Variants in PAK5 observed in about 807,000 individuals in gnomAD.
The protein encoded by PAK5 is p21 (RAC1) activated kinase 5.
A neutral mutation model predicts 65.9 loss-of-function variants in PAK5; 16 were observed. The ratio of observed to expected loss-of-function variants is 0.24; its 90% CI spans 0.16 to 0.37. The LOEUF (loss-of-function observed/expected upper bound fraction) is 0.37, where lower values mean the gene tolerates loss of function less well. Among genes scored for constraint, PAK5 ranks in the 10% least tolerant of loss-of-function variants. The pLI is 1.00. For synonymous variants in PAK5, 371 were observed against 354.9 expected (o/e 1.05, Z -0.51); for missense variants, 785 against 903.9 (o/e 0.87, Z 1.69).
intron 1 of PAK5, among the ~76,000 whole-genome samples, chr20:9,753,326 T>C (rs1005205854): frequency 6.6e-6 from 1 of 152,212 alleles, no homozygotes; most frequent in African/African-American, 2.4e-5. Flanking sequence ...TGCATTTGTT[T>C]TTTTGATTAA....
intron 4 of PAK5, among the ~76,000 whole-genome samples, chr20:9,578,250 A>C (rs923175226): frequency 6.6e-6 from 1 of 152,134 alleles, no homozygotes; most frequent in Non-Finnish European, 1.5e-5. Flanking sequence ...GTGTGCAGGG[A>C]TTGCTGGTGG....
chr20:9,786,943 A>G (rs1381853161), intron 1 of PAK5, among the ~76,000 whole-genome samples: 2 of 152,156 alleles, frequency 1.3e-5, no homozygotes, highest in Admixed American at 6.6e-5. Context: ...TGGATTTTAA[A>G]TAGATTTAAA....
rs978581538 is a variant in PAK5 at position 9,537,955 on chromosome 20, T to C, written c.*1507A>G. ...ATTATGCTTAGAGCAACCAGAGCGC[T>C]ATCACAAATTTAAATTCATATTTGT... On this transcript the variant is annotated 3_prime_UTR_variant, in exon 10 of 10. Transcript: ENST00000353224. 2.2e-4 allele frequency: 51 copies of C among 231,238 alleles called. No individual in the cohort carries two copies. The highest frequency in any genetic ancestry group is 7.7e-5 in the Non-Finnish European group (9 of 116,578). 14.3% of individuals were successfully genotyped at this position (231,238 alleles called of 1,614,324 possible).
intron 1 of PAK5, among the ~76,000 whole-genome samples, chr20:9,755,681 G>T (rs1221167130): frequency 6.6e-6 from 1 of 152,178 alleles, no homozygotes; most frequent in Non-Finnish European, 1.5e-5. Context: ...TCATTTTATA[G>T]TTCAGTTCAG....
intron 1 of PAK5, among the ~76,000 whole-genome samples, chr20:9,721,754 T>G (rs572662666): frequency 2.6e-4 from 39 of 151,538 alleles, no homozygotes; most frequent in Non-Finnish European, 4.4e-5. Flanking sequence ...GTGTGTTTAA[T>G]GTACTTCTAA....
At chr20:9,792,994 T>C (rs1220488395) in intron 1 of PAK5, among the ~76,000 whole-genome samples, 5 of 152,152 alleles carry the variant, frequency 3.3e-5, no homozygotes, top group African/African-American at 1.2e-4. Context: ...AGCAGAATAC[T>C]TTGAAAACTT....
At chr20:9,755,862 GCAACCCATTGCAGAAACCTGT>G (rs1055337355) in intron 1 of PAK5, among the ~76,000 whole-genome samples, 2 of 152,174 alleles carry the variant, frequency 1.3e-5, no homozygotes, top group African/African-American at 4.8e-5. Flanking sequence ...AAGTAAGATG[GCAACCCATTGCAGAAACCTGT>G]CAACCCATTG....
chr20:9,735,561 T>C (rs535085601), intron 1 of PAK5, among the ~76,000 whole-genome samples: 9 of 152,090 alleles, frequency 5.9e-5, no homozygotes, highest in East Asian at 3.9e-4. Flanking sequence ...CTTGCCAAAA[T>C]AGATGGGAAT....
chr20:9,776,011 T>C (rs1223989809), intron 1 of PAK5, among the ~76,000 whole-genome samples: 1 of 152,208 alleles, frequency 6.6e-6, no homozygotes, highest in African/African-American at 2.4e-5. Flanking sequence ...AGTAAAGAAA[T>C]AGTGATTCTT....
chr20:9,554,455 T>C (rs2045477071), intron 7 of PAK5, among the ~76,000 whole-genome samples: 1 of 152,178 alleles, frequency 6.6e-6, no homozygotes, highest in South Asian at 2.1e-4. Flanking sequence ...CTACCTGACA[T>C]GTGAGTGAGG....
chr20:9,598,975 A>G (rs1483500854), intron 3 of PAK5, among the ~76,000 whole-genome samples: 2 of 152,172 alleles, frequency 1.3e-5, no homozygotes, highest in Admixed American at 1.3e-4. Flanking sequence ...CCTTTCTGGA[A>G]CTTTTTTTAA....
At chr20:9,576,857 A>C (rs1208321814) in intron 4 of PAK5, among the ~76,000 whole-genome samples, 1 of 152,204 alleles carries the variant, frequency 6.6e-6, no homozygotes, top group Non-Finnish European at 1.5e-5. Context: ...AGGCTCAACA[A>C]AACATGGCAT....
chr20:9,587,080 T>C (rs2046082363), intron 3 of PAK5, among the ~76,000 whole-genome samples: 1 of 152,176 alleles, frequency 6.6e-6, no homozygotes, highest in Non-Finnish European at 1.5e-5. Context: ...CTTGGCATGA[T>C]TCCTGACGTA....
At chr20:9,734,556 A>ACACACT (rs1319210980) in intron 1 of PAK5, among the ~76,000 whole-genome samples, 3 of 146,828 alleles carry the variant, frequency 2.0e-5, no homozygotes, top group African/African-American at 7.6e-5. Context: ...GCACATGCAC[A>ACACACT]CACACACACA....
chr20:9,557,755 A>G (rs1161508940), intron 6 of PAK5, 21 bp from the exon 7 acceptor site: 2 of 1,604,960 alleles, frequency 1.2e-6, no homozygotes, highest in East Asian at 2.2e-5. Flanking sequence ...AATAACATTT[A>G]AGGAACAAGA....
chr20:9,745,100 G>A (rs2048491318), intron 1 of PAK5, among the ~76,000 whole-genome samples: 2 of 152,010 alleles, frequency 1.3e-5, no homozygotes, highest in Admixed American at 6.6e-5. Context: ...AAAGTAAACA[G>A]AACATATATT....
At chr20:9,670,224 ATAAACATACATGTGCATGTGTCTT>A (rs1333173114) in intron 2 of PAK5, among the ~76,000 whole-genome samples, 1 of 152,196 alleles carries the variant, frequency 6.6e-6, no homozygotes, top group Non-Finnish European at 1.5e-5. Context: ...TAGTGCCTCA[ATAAACATACATGTGCATGTGTCTT>A]TATAGCAGCA....
At chr20:9,774,465 G>A (rs1003988982) in intron 1 of PAK5, among the ~76,000 whole-genome samples, 9 of 151,940 alleles carry the variant, frequency 5.9e-5, no homozygotes, top group Non-Finnish European at 1.2e-4. Context: ...TTTAAAGCTT[G>A]GCTTTTTCTT....
chr20:9,686,876 T>C (rs769691029), intron 2 of PAK5, among the ~76,000 whole-genome samples: 1 of 152,076 alleles, frequency 6.6e-6, no homozygotes, highest in African/African-American at 2.4e-5. Context: ...ACAGGGACCA[T>C]TGTTAGGGAA....
Sources: gnomAD v4.1 joint callset for allele counts (sites outside exome capture counted in the v4.1 genomes callset) on GRCh38, gnomAD v4.1.1 for gene constraint, MANE v1.5 for transcripts, NCBI Gene and HGNC (gene_info 2026-07-23, HGNC 2026-07-21) for gene names.